Variants in TRMT44 observed in about 807,000 individuals in gnomAD.
The protein encoded by TRMT44 is tRNA methyltransferase 44 homolog, also known as probable tRNA (uracil-O(2)-)-methyltransferase.
A neutral mutation model predicts 77.3 loss-of-function variants in TRMT44; 78 were observed. The ratio of observed to expected loss-of-function variants is 1.01; its 90% CI spans 0.84 to 1.22. The LOEUF (loss-of-function observed/expected upper bound fraction) is 1.22, where lower values mean the gene tolerates loss of function less well. TRMT44 is among the 50% of genes most tolerant of loss of function. The pLI, the probability that TRMT44 is intolerant of heterozygous loss-of-function variation, is 0.00. For missense variants in TRMT44, 1,090 were observed against 964.4 expected (o/e 1.13, Z -1.73); for synonymous variants, 391 against 383.3 (o/e 1.02, Z -0.23).
At chr4:8,449,296 A>G (rs1461529928) in intron 2 of TRMT44, among the ~76,000 whole-genome samples, 5 of 152,390 alleles carry the variant, frequency 3.3e-5, no homozygotes, top group Admixed American at 3.3e-4. Flanking sequence ...TCGGTGAGCC[A>G]GTATACTCAT....
At chr4:8,460,006 C>T (rs1011605298) in intron 6 of TRMT44, among the ~76,000 whole-genome samples, 8 of 152,162 alleles carry the variant, frequency 5.3e-5, no homozygotes, top group South Asian at 4.1e-4. Flanking sequence ...CCTGACAGCA[C>T]ATCTATTCCA....
the TRMT44 span, among the ~76,000 whole-genome samples, chr4:8,503,039 C>G: frequency 1.3e-5 from 2 of 152,240 alleles, no homozygotes; most frequent in Non-Finnish European, 1.5e-5. Flanking sequence ...CCCCTCACCT[C>G]CCACATGAGA....
Position 8,451,695 on chromosome 4 carries a change from C to T in TRMT44, c.955-265C>T, listed in dbSNP as rs1725462818. ...GTGTAGCTAAGTGTTTCCTCTGTGT[C>T]CACTGCCTCAGCTAAATGCCTTAGG... is the stretch of plus-strand genomic sequence containing the variant. On this transcript the variant is annotated intron_variant, in intron 3 of 10. Coordinates refer to ENST00000389737, the MANE Select transcript of TRMT44 (RefSeq NM_152544.3). This position sits in a 1 kb window ranked among gnomAD's most constrained non-coding sequence, Gnocchi z 4.1. 6.6e-6 allele frequency among the ~76,000 whole-genome samples: 1 copy of T among 152,218 alleles called. No homozygotes were observed. The highest frequency in any genetic ancestry group is 6.5e-5 in the Admixed American group (1 of 15,282).
the TRMT44 span, among the ~76,000 whole-genome samples, chr4:8,514,062 A>G: frequency 0.044 from 6,728 of 152,196 alleles, 216 homozygotes; most frequent in African/African-American, 0.095. Flanking sequence ...GCACCAAAGC[A>G]CAGGTCCAGC....
At position 8,461,062 on chromosome 4, in the gene TRMT44, G is replaced by C. The variant is rs901771085; in HGVS notation, c.1204-2923G>C. Among the ~76,000 whole-genome samples, 1 of 151,884 alleles carries C rather than the reference G, an allele frequency of 6.6e-6. No individual in the cohort carries two copies. The highest frequency in any genetic ancestry group is 2.4e-5 in the African/African-American group (1 of 41,316). On this transcript the variant is annotated intron_variant, in intron 6 of 10. Coordinates refer to ENST00000389737, the MANE Select transcript of TRMT44 (RefSeq NM_152544.3). The surrounding 1 kb of genome is among the most constrained non-coding windows in gnomAD (Gnocchi z 4.6). ...AACAGGGTCTTCCTATGTTGCCCAG[G>C]CTGGTCTCAAACTCTGGGGCTCAAG...
In TRMT44 at chr4:8,450,792, G is replaced by GTTTTTT. The variant is rs59875098; in HGVS notation, c.954+922_954+927dup. ...AGTAACCACAATTTGTCATTTCCAT[G>GTTTTTT]TTTTTTTTTTTTTTTTTTTTTTTGA... On this transcript the variant is annotated intron_variant, in intron 3 of 10. Transcript: ENST00000389737. Among the ~76,000 whole-genome samples, 157 of 96,672 alleles carry GTTTTTT rather than the reference G, an allele frequency of 1.6e-3. 6 individuals carry two copies. The highest frequency in any genetic ancestry group is 6.0e-3 in the African/African-American group (147 of 24,700). 63.4% of individuals were successfully genotyped at this position (96,672 alleles called of 152,430 possible). A position where few individuals can be genotyped will look rare whatever the true frequency, so the allele number is the denominator to read the frequency against.
downstream of TRMT44, among the ~76,000 whole-genome samples, chr4:8,496,695 C>G (rs1297737716): frequency 6.6e-6 from 1 of 152,086 alleles, no homozygotes; most frequent in Non-Finnish European, 1.5e-5. Context: ...CAGGCGGTCA[C>G]TGTGGCTCCC....
chr4:8,449,706 C>G lies in TRMT44; in HGVS notation c.772C>G (p.His258Asp), dbSNP rs1725300854. 1.3e-6 allele frequency: 2 copies of G among 1,535,890 alleles called. No individual in the cohort carries two copies. Among genetic ancestry groups the G allele is most frequent in the Non-Finnish European group, 8.7e-7 (1 of 1,146,886 alleles). ...SVLIFCPERW[H>D]SDGIVYPKPT... ...TTTAATTTTCTGTCCAGAAAGATGG[C>G]ATTCAGATGGAATCGTGTATCCCAA... Residue 258 changes from histidine to aspartate, a missense_variant, in exon 3 of 11, where the codon CAT (histidine) becomes GAT (aspartate). By Grantham distance (81) the His-to-Asp change is moderately conservative. Transcript: ENST00000389737.
chr4:8,458,615 C>G (rs1001400677), intron 6 of TRMT44, among the ~76,000 whole-genome samples: 29 of 151,668 alleles, frequency 1.9e-4, no homozygotes, highest in African/African-American at 7.0e-4. Flanking sequence ...CCATCATGCC[C>G]AGCTATTTTT....
intron 2 of TRMT44, among the ~76,000 whole-genome samples, chr4:8,491,772 G>A (rs150788435): frequency 0.023 from 3,441 of 152,312 alleles, 72 homozygotes; most frequent in African/African-American, 0.053. Flanking sequence ...CGCAGCCCCG[G>A]TTCCCGCTCG....
At chr4:8,491,421 C>T (rs557656084) in intron 2 of TRMT44, among the ~76,000 whole-genome samples, 2 of 152,356 alleles carry the variant, frequency 1.3e-5, no homozygotes, top group South Asian at 4.1e-4. Context: ...ACTCCTCAGC[C>T]CTTGGGTGGT....
intron 6 of TRMT44, among the ~76,000 whole-genome samples, chr4:8,455,986 C>G (rs1725786109): frequency 6.6e-6 from 1 of 152,096 alleles, no homozygotes; most frequent in Non-Finnish European, 1.5e-5. Context: ...TACGTACATA[C>G]TAGTCTATTT....
At chr4:8,474,385 A>G (rs1436011702) in intron 10 of TRMT44, among the ~76,000 whole-genome samples, 5 of 152,168 alleles carry the variant, frequency 3.3e-5, no homozygotes, top group Non-Finnish European at 5.9e-5. Context: ...AAGAAACCTC[A>G]GCTCCAATGT....
chr4:8,458,389 G>C lies in TRMT44; in HGVS notation c.1203+3576G>C, dbSNP rs560681038. Among the ~76,000 whole-genome samples the C allele has an allele frequency of 1.1e-4, 17 of 151,986 alleles. No individual in the cohort carries two copies. In the South Asian group the frequency reaches 3.5e-3, roughly 32 times the overall value. On this transcript the variant is annotated intron_variant, in intron 6 of 10. Transcript: ENST00000389737. Reference sequence around the variant, plus strand: ...TCAGTGTGAAGAGGATGGGGATGAAGATCTTTGTGATGGTCGGTCCACTTC... The same window carrying C: ...TCAGTGTGAAGAGGATGGGGATGAACATCTTTGTGATGGTCGGTCCACTTC...
intron 10 of TRMT44, among the ~76,000 whole-genome samples, chr4:8,474,828 C>T (rs1475398127): frequency 6.6e-6 from 1 of 152,124 alleles, no homozygotes; most frequent in East Asian, 1.9e-4. Flanking sequence ...GTATCTCGGC[C>T]CAATTTGGGC....
intron 6 of TRMT44, among the ~76,000 whole-genome samples, chr4:8,458,142 T>C (rs6830523): frequency 0.093 from 14,171 of 152,262 alleles, 1,256 homozygotes; most frequent in African/African-American, 0.23. Context: ...TAGACTCTTC[T>C]GCGATATGCA....
intron 2 of TRMT44, among the ~76,000 whole-genome samples, chr4:8,487,735 G>A (rs1231768250): frequency 1.3e-5 from 2 of 151,856 alleles, no homozygotes; most frequent in African/African-American, 4.8e-5. Flanking sequence ...CCTCAGAAAA[G>A]CAAAAAAGGG....
rs552988957 is a variant in TRMT44 at position 8,483,542 on chromosome 4, C to T, written n.3891+4009C>T. ...AGCATTCTGAGGACAGGTCTGACTT[C>T]TGAGAAGGGAAAGTGGTAAAAGTAT... On this transcript the variant is annotated intron_variant and non_coding_transcript_variant, in intron 2 of 2. Transcript: ENST00000511366. Among the ~76,000 whole-genome samples, 19 of 152,254 alleles carry T rather than the reference C, an allele frequency of 1.2e-4. No homozygotes were observed. In the East Asian group the frequency reaches 1.5e-3, roughly 12 times the overall value.
chr4:8,467,868 A>G (rs1001102252), intron 8 of TRMT44, 46 bp from the exon 9 acceptor site: 7 of 1,529,092 alleles, frequency 4.6e-6, no homozygotes, highest in African/African-American at 1.4e-5. Context: ...GAACGTTGAA[A>G]TAGACTAGCC....
Sources: gnomAD v4.1 joint callset for allele counts (sites outside exome capture counted in the v4.1 genomes callset) on GRCh38, gnomAD v4.1.1 for gene constraint, Gnocchi (gnomAD v3.1) non-coding constraint, MANE v1.5 for transcripts, NCBI Gene and HGNC (gene_info 2026-07-23, HGNC 2026-07-21) for gene names.